TAS2R1: variants seen among roughly 807,000 people sequenced by gnomAD.
TAS2R1 encodes taste 2 receptor member 1, also known as taste receptor type 2 member 1.
For missense variants in TAS2R1, 370 were observed against 353.4 expected, an observed-to-expected ratio of 1.05 and a Z score of -0.38; for synonymous variants, 141 against 134.2, an observed-to-expected ratio of 1.05 and a Z score of -0.35.
the TAS2R1 span, among the ~76,000 whole-genome samples, chr5:9,890,731 C>G: frequency 4.5e-4 from 69 of 152,214 alleles, no homozygotes; most frequent in Admixed American, 4.1e-3. Flanking sequence ...TATTTGTTTC[C>G]TTTTGTCAAT....
At chr5:9,744,191 A>G in the TAS2R1 span, among the ~76,000 whole-genome samples, 2 of 152,146 alleles carry the variant, frequency 1.3e-5, no homozygotes, top group Non-Finnish European at 2.9e-5. Context: ...TCTGGAAAAC[A>G]TAGGTTTTGA....
the TAS2R1 span, among the ~76,000 whole-genome samples, chr5:9,820,762 CA>C: frequency 1.1e-3 from 163 of 152,256 alleles, 4 homozygotes; most frequent in East Asian, 0.027. Flanking sequence ...CTCCTGAAAA[CA>C]AAAACGAAAG....
chr5:9,673,777 C>A (rs74519400), intron 1 of TAS2R1, among the ~76,000 whole-genome samples: 21,466 of 151,930 alleles, frequency 0.14, 1,853 homozygotes, highest in South Asian at 0.21. Flanking sequence ...TTCACCTGTG[C>A]ACAAACGAAA....
In TAS2R1 at chr5:9,630,107, C is replaced by T. The variant is rs1378363299; in HGVS notation, c.-75G>A. 5 of 1,260,974 alleles carry T rather than the reference C, an allele frequency of 4.0e-6. No homozygotes were observed. Among genetic ancestry groups the T allele is most frequent in the Non-Finnish European group, 5.4e-6 (5 of 929,940 alleles). 78.1% of individuals were successfully genotyped at this position (1,260,974 alleles called of 1,614,324 possible). On this transcript the variant is annotated 5_prime_UTR_variant, in exon 1 of 1. Transcript: ENST00000382492. Reference sequence around the variant, plus strand: ...TTGGACAGGTTGGGTTGTTCACGCTCTTCAATTAGATCAGGACTCCTCTGG... The same window carrying T: ...TTGGACAGGTTGGGTTGTTCACGCTTTTCAATTAGATCAGGACTCCTCTGG...
chr5:9,641,193 A>T (rs564678479), intron 2 of TAS2R1: 2 of 152,174 alleles, frequency 1.3e-5, no homozygotes, highest in Non-Finnish European at 2.9e-5. Flanking sequence ...ACGATGTCCA[A>T]TTCTATTTAT....
In TAS2R1 at chr5:9,698,401, G is replaced by A. The variant is rs551245700; in HGVS notation, c.-242+13771C>T. On this transcript the variant is annotated intron_variant, in intron 1 of 2. Transcript: ENST00000506620. ...CTACAGCAGTATCATAAAATAACTC[G>A]CGTGACATTCTCAAATGTTGTCAAC... Among the ~76,000 whole-genome samples the A allele has an allele frequency of 1.6e-4, 24 of 152,214 alleles. 1 individual carries two copies. The highest frequency in any genetic ancestry group is 1.0e-3 in the South Asian group (5 of 4,820).
chr5:9,864,868 G>GGA, the TAS2R1 span, among the ~76,000 whole-genome samples: 1 of 152,104 alleles, frequency 6.6e-6, no homozygotes, highest in African/African-American at 2.4e-5. Flanking sequence ...CTCTGGAAAG[G>GGA]GAGACAGAGG....
At chr5:9,792,524 T>C in the TAS2R1 span, among the ~76,000 whole-genome samples, 2 of 152,108 alleles carry the variant, frequency 1.3e-5, no homozygotes, top group African/African-American at 2.4e-5. Flanking sequence ...AGTGGAAAAA[T>C]TACTTGCACG....
the TAS2R1 span, among the ~76,000 whole-genome samples, chr5:9,849,913 G>A: frequency 2.6e-5 from 4 of 152,274 alleles, no homozygotes; most frequent in African/African-American, 9.6e-5. Flanking sequence ...AGCTCTCCTA[G>A]ACCAAACACT....
chr5:9,780,347 CTACAGT>C, the TAS2R1 span, among the ~76,000 whole-genome samples: 4 of 152,186 alleles, frequency 2.6e-5, no homozygotes, highest in African/African-American at 9.7e-5. Flanking sequence ...AGGTTCCCTA[CTACAGT>C]TACACAGGAC....
chr5:9,712,016 AAGGAAGGAAGGAAGGG>A (rs1734689515), intron 1 of TAS2R1, among the ~76,000 whole-genome samples: 1 of 94,328 alleles, frequency 1.1e-5, no homozygotes, highest in African/African-American at 4.8e-5. Flanking sequence ...AGAAAGAGAG[AAGGAAGGAAGGAAGGG>A]AGGGAGGGAG....
At chr5:9,682,737 C>T (rs1320627338) in intron 1 of TAS2R1, among the ~76,000 whole-genome samples, 3 of 152,196 alleles carry the variant, frequency 2.0e-5, no homozygotes, top group African/African-American at 7.2e-5. Context: ...ACCTGCCACA[C>T]TGTCAATCAA....
chr5:9,803,990 A>G, the TAS2R1 span, among the ~76,000 whole-genome samples: 1 of 152,176 alleles, frequency 6.6e-6, no homozygotes, highest in African/African-American at 2.4e-5. Context: ...GCTGTCTTCA[A>G]GAGACTCACC....
chr5:9,883,021 T>C, the TAS2R1 span, among the ~76,000 whole-genome samples: 4 of 152,176 alleles, frequency 2.6e-5, no homozygotes, highest in Admixed American at 6.5e-5. Context: ...ATGGTACATA[T>C]ATACCACGAA....
chr5:9,664,522 T>C (rs1169317874), intron 1 of TAS2R1, among the ~76,000 whole-genome samples: 1 of 152,192 alleles, frequency 6.6e-6, no homozygotes, highest in Non-Finnish European at 1.5e-5. Flanking sequence ...TTTTCTTTGC[T>C]CCTGTTCTGT....
At chr5:9,652,727 C>T (rs1740331458) in intron 2 of TAS2R1, among the ~76,000 whole-genome samples, 2 of 152,202 alleles carry the variant, frequency 1.3e-5, no homozygotes, top group South Asian at 4.1e-4. Context: ...TGTTGCATTT[C>T]ATTTTCTAAA....
chr5:9,890,167 T>C, the TAS2R1 span, among the ~76,000 whole-genome samples: 1 of 152,062 alleles, frequency 6.6e-6, no homozygotes, highest in Non-Finnish European at 1.5e-5. Flanking sequence ...ACAAGTTGAG[T>C]TGGAGACACC....
At chr5:9,826,338 C>A in the TAS2R1 span, among the ~76,000 whole-genome samples, 6 of 152,156 alleles carry the variant, frequency 3.9e-5, no homozygotes, top group South Asian at 8.3e-4. Context: ...TAAAATAAAT[C>A]TTTTCCATGG....
chr5:9,800,845 A>G, the TAS2R1 span, among the ~76,000 whole-genome samples: 1 of 152,226 alleles, frequency 6.6e-6, no homozygotes, highest in East Asian at 1.9e-4. Flanking sequence ...GGAGATAATT[A>G]CATTTAAATA....
Sources: allele counts gnomAD v4.1 joint callset (sites outside exome capture counted in the v4.1 genomes callset), GRCh38; gene constraint gnomAD v4.1.1; transcripts MANE v1.5; gene names NCBI Gene and HGNC (gene_info 2026-07-23, HGNC 2026-07-21).